PSMA6: variants seen among roughly 807,000 people sequenced by gnomAD.
The protein encoded by PSMA6 is proteasome subunit alpha type-6.
For synonymous variants in PSMA6, 88 were observed against 97.7 expected (o/e 0.90, Z 0.59); for missense variants, 170 against 294.8 (o/e 0.58, Z 3.10).
Position 35,301,469 on chromosome 14 carries a change from T to G in PSMA6, c.77-6525T>G, listed in dbSNP as rs369606084. ...TTGCGGCGAGCCAAGATTGCTCCAC[T>G]GCACACCAGCCTGAGTGACAGAGTG... On this transcript the variant is annotated intron_variant, in intron 1 of 6. Transcript: ENST00000261479. Among the ~76,000 whole-genome samples the G allele has an allele frequency of 2.6e-4, 39 of 151,548 alleles. No individual in the cohort carries two copies. The East Asian group carries it at 6.0e-3, about 23-fold the overall frequency.
At chr14:35,301,014 G>A (rs1207482895) in intron 1 of PSMA6, among the ~76,000 whole-genome samples, 1 of 152,212 alleles carries the variant, frequency 6.6e-6, no homozygotes, top group Admixed American at 6.5e-5. Flanking sequence ...AGAGATGACA[G>A]ATTAGTAGTG....
At chr14:35,306,913 G>A (rs1296759186) in intron 1 of PSMA6, among the ~76,000 whole-genome samples, 1 of 152,108 alleles carries the variant, frequency 6.6e-6, no homozygotes, top group Non-Finnish European at 1.5e-5. Context: ...TTGGGAGGCC[G>A]AGGTGGGTGG....
In PSMA6 at chr14:35,309,005, CT is replaced by C. The variant is rs1220320586; in HGVS notation, c.253+11del. 6.4e-7 allele frequency: 1 copy of C among 1,560,046 alleles called. No individual in the cohort carries two copies. Among genetic ancestry groups the C allele is most frequent in the East Asian group, 2.2e-5 (1 of 44,524 alleles). ...ATGACCGGAATGACAGGTAATTAAT[CT>C]GTAGATATACAAGACATCTGTAGAT... On this transcript the variant is annotated intron_variant, in intron 3 of 6. Transcript: ENST00000261479.
At chr14:35,299,327 C>CTTTTTTTTTTTTTTTTTTT (rs71445906) in intron 1 of PSMA6, among the ~76,000 whole-genome samples, 777 of 65,954 alleles carry the variant, frequency 0.012, 241 homozygotes, top group Non-Finnish European at 0.013. Flanking sequence ...TGCCCAGCCT[C>CTTTTTTTTTTTTTTTTTTT]TTTTTTTTTT....
intron 3 of PSMA6, 69 bp from the exon 4 acceptor site, chr14:35,310,671 T>C: frequency 6.5e-7 from 1 of 1,543,992 alleles, no homozygotes; most frequent in African/African-American, 1.4e-5. Flanking sequence ...ATTGCCTGGC[T>C]AAATTGCCTG....
At chr14:35,307,667 G>A (rs867890351) in intron 1 of PSMA6, among the ~76,000 whole-genome samples, 1 of 152,182 alleles carries the variant, frequency 6.6e-6, no homozygotes, top group Non-Finnish European at 1.5e-5. Context: ...CTGGCAGGCA[G>A]AGGTTGCAGT....
intron 1 of PSMA6, among the ~76,000 whole-genome samples, chr14:35,294,136 C>T (rs536945656): frequency 1.2e-3 from 184 of 152,300 alleles, no homozygotes; most frequent in Non-Finnish European, 2.1e-3. Context: ...TCTCCGCCTC[C>T]CGGGTTCAAG....
At chr14:35,303,873 T>A (rs2051767033) in intron 1 of PSMA6, among the ~76,000 whole-genome samples, 1 of 152,212 alleles carries the variant, frequency 6.6e-6, no homozygotes, top group Non-Finnish European at 1.5e-5. Flanking sequence ...TTACATTGTA[T>A]TAGCTAGTGT....
At chr14:35,303,656 C>T (rs2051763064) in intron 1 of PSMA6, among the ~76,000 whole-genome samples, 1 of 152,112 alleles carries the variant, frequency 6.6e-6, no homozygotes, top group South Asian at 2.1e-4. Flanking sequence ...CTTTATTAGC[C>T]ATATCAGGAT....
chr14:35,310,851 C>A lies in PSMA6; in HGVS notation c.365C>A (p.Ser122Tyr). 1 of 1,613,872 alleles carries A rather than the reference C, an allele frequency of 6.2e-7. No individual in the cohort carries two copies. The highest frequency in any genetic ancestry group is 8.5e-7 in the Non-Finnish European group (1 of 1,179,896). The change falls in exon 4 of 7, where the codon TCT becomes TAT. Residue 122 changes from serine to tyrosine, a missense_variant. Coordinates refer to ENST00000261479, the MANE Select transcript of PSMA6 (RefSeq NM_002791.3). ...DMLCKRIADI[S>Y]QVYTQNAEMR... ...CTGTGTAAAAGAATTGCCGATATTT[C>A]TCAGGTCTACACACAGAATGCTGAA...
intron 1 of PSMA6, among the ~76,000 whole-genome samples, chr14:35,294,060 T>C (rs759199261): frequency 6.6e-6 from 1 of 152,244 alleles, no homozygotes; most frequent in African/African-American, 2.4e-5. Flanking sequence ...TTTTATTTTT[T>C]TGAGACAGAG....
At chr14:35,296,270 C>T (rs533400004) in intron 1 of PSMA6, among the ~76,000 whole-genome samples, 1 of 152,034 alleles carries the variant, frequency 6.6e-6, no homozygotes, top group African/African-American at 2.4e-5. Context: ...AAATGTAAAG[C>T]ATTTAAAACA....
chr14:35,285,564 G>A (rs755481035), intron 1 of PSMA6, among the ~76,000 whole-genome samples: 2 of 152,146 alleles, frequency 1.3e-5, no homozygotes, highest in African/African-American at 2.4e-5. Flanking sequence ...TAAGAAAATA[G>A]GAATTAGAGT....
intron 1 of PSMA6, chr14:35,278,729 C>T (rs780466818): frequency 1.3e-6 from 2 of 1,534,232 alleles, no homozygotes; most frequent in South Asian, 2.4e-5. Context: ...GTAAGTCCCT[C>T]ACTCAGACTT....
chr14:35,310,667 T>C, intron 3 of PSMA6, 73 bp from the exon 4 acceptor site: 1 of 1,515,502 alleles, frequency 6.6e-7, no homozygotes, highest in Non-Finnish European at 9.1e-7. Flanking sequence ...GAAAATTGCC[T>C]GGCTAAATTG....
At chr14:35,289,673 TACTC>T (rs1594374892), upstream of PSMA6, among the ~76,000 whole-genome samples, 1 of 151,994 alleles carries the variant, frequency 6.6e-6, no homozygotes, top group South Asian at 2.1e-4. Context: ...AGAAAAAAGA[TACTC>T]AGGAGGCTAA....
chr14:35,289,910 C>T (rs1594374988), upstream of PSMA6, among the ~76,000 whole-genome samples: 1 of 75,794 alleles, frequency 1.3e-5, no homozygotes, highest in South Asian at 5.3e-4. Flanking sequence ...AGCAATACCG[C>T]ATTTCAAAAA....
At chr14:35,312,769 T>A in intron 4 of PSMA6, 112 bp from the exon 5 acceptor site, 2 of 990,734 alleles carry the variant, frequency 2.0e-6, no homozygotes, top group South Asian at 3.8e-5. Flanking sequence ...ATACATATCC[T>A]AAAATTGATG....
intron 1 of PSMA6, among the ~76,000 whole-genome samples, chr14:35,300,608 A>G (rs2051693338): frequency 6.6e-6 from 1 of 152,126 alleles, no homozygotes; most frequent in East Asian, 1.9e-4. Context: ...TCTTGAGCTT[A>G]TTTTTCACAT....
Sources: allele counts gnomAD v4.1 joint callset (sites outside exome capture counted in the v4.1 genomes callset), GRCh38; gene constraint gnomAD v4.1.1; transcripts MANE v1.5; gene names NCBI Gene and HGNC (gene_info 2026-07-23, HGNC 2026-07-21).